AKAP12: variants seen among roughly 807,000 people sequenced by gnomAD.
AKAP12 encodes A-kinase anchoring protein 12.
AKAP12 carries 32 observed loss-of-function variants against 79.9 expected under a neutral mutation model. That is an observed-to-expected ratio of 0.40 (90% confidence interval 0.30 to 0.54). The LOEUF (loss-of-function observed/expected upper bound fraction) is 0.54, where lower values mean the gene tolerates loss of function less well. Among genes scored for constraint, AKAP12 ranks in the 20% least tolerant of loss-of-function variants. AKAP12 has a pLI of 0.48. For missense variants in AKAP12, 2,074 were observed against 2,177.0 expected, an observed-to-expected ratio of 0.95 and a Z score of 0.94; for synonymous variants, 808 against 857.0, an observed-to-expected ratio of 0.94 and a Z score of 1.00.
At chr6:151,328,366 C>T (rs1307187745) in intron 3 of AKAP12, among the ~76,000 whole-genome samples, 5 of 145,968 alleles carry the variant, frequency 3.4e-5, no homozygotes, top group African/African-American at 7.7e-5. Context: ...TGGCCGGGCG[C>T]GGCGGCTCAC....
Position 151,349,800 on chromosome 6 carries a change from G to A in AKAP12, c.1409G>A (p.Cys470Tyr). ...AKELVKLKETCVSGEDPTQGA... is the reference protein window; with the variant it reads ...AKELVKLKETYVSGEDPTQGA... ...GAGCTGGTGAAGCTCAAAGAAACGTGTGTTTCCGGAGAGGACCCTACACAG... is the reference window on the plus strand; with the variant it reads ...GAGCTGGTGAAGCTCAAAGAAACGTATGTTTCCGGAGAGGACCCTACACAG... Residue 470 changes from cysteine to tyrosine, a missense_variant, in exon 4 of 5, where the codon TGT (cysteine) becomes TAT (tyrosine). Around this residue, in one of 3 missense-constraint regions of AKAP12, gnomAD observed 1,428 missense variants for 1,451.0 expected, o/e 0.98. Coordinates refer to ENST00000402676, the MANE Select transcript of AKAP12 (RefSeq NM_005100.4). The A allele has an allele frequency of 1.2e-6, 2 of 1,614,156 alleles. No homozygotes were observed. The highest frequency in any genetic ancestry group is 3.3e-5 in the Admixed American group (2 of 60,012).
intron 2 of AKAP12, among the ~76,000 whole-genome samples, chr6:151,299,816 A>G (rs1048894300): frequency 2.7e-5 from 4 of 150,416 alleles, no homozygotes; most frequent in African/African-American, 4.9e-5. Context: ...CTTTGTAGAG[A>G]CTGGGTTTCA....
intron 2 of AKAP12, among the ~76,000 whole-genome samples, chr6:151,284,162 C>T (rs187005620): frequency 1.3e-5 from 2 of 152,306 alleles, no homozygotes; most frequent in Non-Finnish European, 2.9e-5. Context: ...TGCATCTCCT[C>T]CTGGTTATTG....
intron 3 of AKAP12, among the ~76,000 whole-genome samples, chr6:151,314,053 G>T (rs1423314069): frequency 1.4e-5 from 2 of 144,442 alleles, no homozygotes; most frequent in Non-Finnish European, 3.0e-5. Flanking sequence ...TTCGGAGACA[G>T]AGTCTCCGAA....
At chr6:151,297,093 A>G (rs1267909947) in intron 2 of AKAP12, among the ~76,000 whole-genome samples, 3 of 148,548 alleles carry the variant, frequency 2.0e-5, no homozygotes, top group Non-Finnish European at 4.4e-5. Context: ...ACCAAGAGCT[A>G]CAGCTATTGA....
At chr6:151,338,998 C>T (rs913743815) in intron 3 of AKAP12, among the ~76,000 whole-genome samples, 6 of 152,150 alleles carry the variant, frequency 3.9e-5, no homozygotes, top group African/African-American at 7.2e-5. Context: ...GATGGATGCT[C>T]GGGCCGATCT....
In AKAP12 at chr6:151,268,373, C is replaced by T. The variant is rs568270145; in HGVS notation, c.162+27649C>T. 3.3e-5 allele frequency among the ~76,000 whole-genome samples: 5 copies of T among 152,218 alleles called. No homozygotes were observed. The South Asian group carries it at 8.3e-4, about 25-fold the overall frequency. ...CAGAGGTTGCGGTGAGCTGAGATCA[C>T]GCCATTGCACTCCAGCCTGAGCAAC... On this transcript the variant is annotated intron_variant, in intron 2 of 4. Transcript: ENST00000402676.
chr6:151,338,325 T>G (rs1777866231), intron 3 of AKAP12, among the ~76,000 whole-genome samples: 1 of 152,236 alleles, frequency 6.6e-6, no homozygotes, highest in African/African-American at 2.4e-5. Context: ...TAGCTTCTTT[T>G]AATCTGGAAG....
intron 3 of AKAP12, among the ~76,000 whole-genome samples, chr6:151,313,528 T>C (rs759524513): frequency 5.3e-5 from 8 of 152,232 alleles, no homozygotes; most frequent in African/African-American, 9.6e-5. Flanking sequence ...ACTTATGTCA[T>C]TGACAAATTT....
In AKAP12 at chr6:151,348,697, C is replaced by CCTTTTT; in HGVS notation, c.320-14_320-13insCTTTTT. The CCTTTTT allele has an allele frequency of 3.1e-6, 2 of 650,664 alleles. No individual in the cohort carries two copies. The highest frequency in any genetic ancestry group is 3.9e-5 in the East Asian group (1 of 25,750). 40.3% of individuals were successfully genotyped at this position (650,664 alleles called of 1,614,324 possible). The stretch of plus-strand genomic sequence containing the variant: ...TTCTCTTCTCCCCACCCCCCCGCCC[C>CCTTTTT]TTTTTGTTAATAGTTGGACAGAGAG... On this transcript the variant is annotated splice_polypyrimidine_tract_variant and intron_variant, in intron 3 of 4. Transcript: ENST00000402676.
At chr6:151,288,375 G>C (rs1392178587) in intron 2 of AKAP12, among the ~76,000 whole-genome samples, 1 of 152,004 alleles carries the variant, frequency 6.6e-6, no homozygotes, top group African/African-American at 2.4e-5. Flanking sequence ...AAATTAGCTG[G>C]GCATGGTGGC....
chr6:151,350,770 T>C lies in AKAP12; in HGVS notation c.2379T>C (p.Thr793=), dbSNP rs112134888. The C allele has an allele frequency of 6.2e-7, 1 of 1,613,886 alleles. No individual in the cohort carries two copies. Among genetic ancestry groups the C allele is most frequent in the Non-Finnish European group, 8.5e-7 (1 of 1,179,940 alleles). Residue 793 remains threonine (T), a synonymous_variant, in exon 4 of 5, where the codon ACT becomes ACC. Coordinates refer to ENST00000402676, the MANE Select transcript of AKAP12 (RefSeq NM_005100.4). The surrounding 1 kb of genome is among the most constrained non-coding windows in gnomAD (Gnocchi z 4.8). The part of the protein sequence containing the change: ...SIAGSGVEHS[T]PDTEPGKEES... ...CTGGGTCTGGTGTAGAACATTCCAC[T>C]CCAGACACTGAACCCGGTAAAGAAG...
intron 2 of AKAP12, among the ~76,000 whole-genome samples, chr6:151,257,356 G>A (rs1797322430): frequency 6.6e-6 from 1 of 152,112 alleles, no homozygotes; most frequent in Admixed American, 6.5e-5. Flanking sequence ...GAGTGCAGCG[G>A]CGTGATCTCA....
chr6:151,252,717 G>A (rs1220647214), intron 2 of AKAP12, among the ~76,000 whole-genome samples: 2 of 119,982 alleles, frequency 1.7e-5, no homozygotes, highest in African/African-American at 6.6e-5. Context: ...AAGATACCAA[G>A]ACCCCTGTCT....
At chr6:151,322,377 A>G (rs1051859416) in intron 3 of AKAP12, among the ~76,000 whole-genome samples, 2 of 152,112 alleles carry the variant, frequency 1.3e-5, no homozygotes, top group Admixed American at 1.3e-4. Flanking sequence ...CTTTTAATGG[A>G]TAATTTGTTA....
chr6:151,333,686 T>C (rs1777739295), intron 3 of AKAP12, among the ~76,000 whole-genome samples: 2 of 148,112 alleles, frequency 1.4e-5, no homozygotes, highest in Admixed American at 1.4e-4. Context: ...GAGGCTGCAG[T>C]CGAGATCGCA....
At chr6:151,261,140 C>T (rs949151328) in intron 2 of AKAP12, among the ~76,000 whole-genome samples, 3 of 152,064 alleles carry the variant, frequency 2.0e-5, no homozygotes, top group Non-Finnish European at 4.4e-5. Flanking sequence ...GTAATCCCAG[C>T]ACTCTGGGAG....
At chr6:151,293,601 C>G (rs1193958898) in intron 2 of AKAP12, among the ~76,000 whole-genome samples, 1 of 152,156 alleles carries the variant, frequency 6.6e-6, no homozygotes, top group Non-Finnish European at 1.5e-5. Flanking sequence ...AGCTGTAGCT[C>G]TAGGGGTCTG....
chr6:151,310,122 GGGGGCC>G (rs2114762415), intron 3 of AKAP12, among the ~76,000 whole-genome samples: 1 of 152,242 alleles, frequency 6.6e-6, no homozygotes, highest in South Asian at 2.1e-4. Flanking sequence ...CAGCACTTTG[GGGGGCC>G]GAGGCGAGTG....
Sources: gnomAD v4.1 joint callset for allele counts (sites outside exome capture counted in the v4.1 genomes callset) on GRCh38, gnomAD v4.1.1 for gene constraint, gnomAD v4.1.1 regional missense constraint, Gnocchi (gnomAD v3.1) non-coding constraint, MANE v1.5 for transcripts, NCBI Gene and HGNC (gene_info 2026-07-23, HGNC 2026-07-21) for gene names.